BTNL8: variants seen among roughly 807,000 people sequenced by gnomAD.
BTNL8 encodes butyrophilin like 8, also known as butyrophilin-like protein 8.
Under a neutral mutation model 36.1 loss-of-function variants are expected in BTNL8, and 22 were observed. The ratio of observed to expected loss-of-function variants is 0.61; its 90% CI spans 0.44 to 0.87. BTNL8 has a LOEUF of 0.87. Ranked by LOEUF, BTNL8 falls within the 40% of genes least tolerant of loss-of-function variation. The pLI is 0.00. For synonymous variants in BTNL8, 203 were observed against 235.6 expected (o/e 0.86, Z 1.27); for missense variants, 526 against 616.9 (o/e 0.85, Z 1.56).
intron 3 of BTNL8, among the ~76,000 whole-genome samples, chr5:180,924,438 C>G (rs547253894): frequency 1.1e-5 from 1 of 90,064 alleles, no homozygotes. Context: ...TTCCAAACAA[C>G]AGTACCATCT....
intron 3 of BTNL8, among the ~76,000 whole-genome samples, chr5:180,936,958 A>G (rs1758679857): frequency 6.6e-6 from 1 of 152,172 alleles, no homozygotes; most frequent in South Asian, 2.1e-4. Flanking sequence ...GGAACAGTGG[A>G]GGCACCACAC....
intron 3 of BTNL8, among the ~76,000 whole-genome samples, chr5:180,943,317 T>C (rs939689751): frequency 2.0e-5 from 3 of 151,880 alleles, no homozygotes; most frequent in Non-Finnish European, 2.9e-5. Context: ...ATATTTTTAG[T>C]AGAGACGGGG....
At chr5:180,941,221 C>A (rs1382024649) in intron 3 of BTNL8, among the ~76,000 whole-genome samples, 4 of 152,032 alleles carry the variant, frequency 2.6e-5, no homozygotes, top group Non-Finnish European at 5.9e-5. Flanking sequence ...AACTCATAAA[C>A]ACATGGAACA....
At chr5:180,901,094 C>A (rs1235737919) in intron 1 of BTNL8, among the ~76,000 whole-genome samples, 1 of 152,204 alleles carries the variant, frequency 6.6e-6, no homozygotes, top group Non-Finnish European at 1.5e-5. Context: ...ATCTGCTACA[C>A]CAGGTCAGAA....
Position 180,900,214 on chromosome 5 carries a change from C to T in BTNL8, c.49+855C>T, listed in dbSNP as rs141811613. ...AGCTTCTTTGTTTCCCTTCTGTTTCCGGGTGAGGCAGCAGGACATCCTGGA... is the reference window on the plus strand; with the variant it reads ...AGCTTCTTTGTTTCCCTTCTGTTTCTGGGTGAGGCAGCAGGACATCCTGGA... On this transcript the variant is annotated intron_variant, in intron 1 of 7. Coordinates refer to ENST00000340184, the MANE Select transcript of BTNL8 (RefSeq NM_001040462.3). 6.6e-5 allele frequency among the ~76,000 whole-genome samples: 10 copies of T among 152,270 alleles called. No individual in the cohort carries two copies. In the East Asian group the frequency reaches 7.7e-4, roughly 12 times the overall value.
chr5:180,935,392 C>T lies in BTNL8; in HGVS notation c.674-12120C>T, dbSNP rs1347207258. 6.6e-6 allele frequency among the ~76,000 whole-genome samples: 1 copy of T among 152,216 alleles called. No individual in the cohort carries two copies. The highest frequency in any genetic ancestry group is 1.5e-5 in the Non-Finnish European group (1 of 68,036). ...GAGCTGCCCTCAGCCATCGTCCTCC[C>T]TCCTGTGCTCACTGGTGCTCAAAGT... On this transcript the variant is annotated intron_variant, in intron 3 of 7. Coordinates refer to ENST00000340184, the MANE Select transcript of BTNL8 (RefSeq NM_001040462.3). The surrounding 1 kb of genome is among the most constrained non-coding windows in gnomAD (Gnocchi z 4.8).
rs762775062 is a variant in BTNL8 at position 180,950,335 on chromosome 5, C to G, written c.1294C>G (p.Leu432Val). 2 of 1,463,742 alleles carry G rather than the reference C, an allele frequency of 1.4e-6. No individual in the cohort carries two copies. The highest frequency in any genetic ancestry group is 1.9e-6 in the Non-Finnish European group (2 of 1,059,130). The allele number at this position is 1,463,742 out of a possible 1,614,324, so 90.7% of individuals were successfully genotyped here. A position where few individuals can be genotyped will look rare whatever the true frequency, so the allele number is the denominator to read the frequency against. Reference sequence around the variant, plus strand: ...AAATGACCAGTCCCTTATTTATACCCTGACATGTCGGTTTGAAGGCTTATT... The same window carrying G: ...AAATGACCAGTCCCTTATTTATACCGTGACATGTCGGTTTGAAGGCTTATT... Reference protein sequence around the residue: ...NINDQSLIYTLTCRFEGLLRP... With the variant: ...NINDQSLIYTVTCRFEGLLRP... Residue 432 changes from leucine (L) to valine (V), a missense_variant, in exon 8 of 8, where the codon CTG becomes GTG. By Grantham distance (32) the Leu-to-Val change is conservative (BLOSUM62 1). Around this residue, in one of 2 missense-constraint regions of BTNL8, gnomAD observed 176 missense variants for 292.3 expected, o/e 0.60. Coordinates refer to ENST00000340184, the MANE Select transcript of BTNL8 (RefSeq NM_001040462.3).
chr5:180,908,119 G>A (rs1056220439), intron 1 of BTNL8, among the ~76,000 whole-genome samples: 2 of 152,230 alleles, frequency 1.3e-5, no homozygotes, highest in Admixed American at 1.3e-4. Context: ...CCTCGCTGCT[G>A]CCTTGCAGTT....
chr5:180,911,952 A>C (rs566374633), intron 3 of BTNL8, among the ~76,000 whole-genome samples: 14 of 152,338 alleles, frequency 9.2e-5, no homozygotes, highest in African/African-American at 3.1e-4. Flanking sequence ...GTGTTTACAC[A>C]TAAGATTCAC....
rs1757261199 is a variant in BTNL8 at position 180,909,058 on chromosome 5, A to G, written c.397+125A>G. The G allele has an allele frequency of 5.3e-6, 5 of 935,680 alleles. No homozygotes were observed. The East Asian group carries it at 7.2e-5, about 14-fold the overall frequency. 58.0% of individuals were successfully genotyped at this position (935,680 alleles called of 1,614,324 possible). On this transcript the variant is annotated intron_variant, in intron 2 of 7. Coordinates refer to ENST00000340184, the MANE Select transcript of BTNL8 (RefSeq NM_001040462.3). ...GTTAGAAGGCAGCATTCTATACTCT[A>G]CGTTCCTTCTGTCTTGTGTGTATAG... is the stretch of plus-strand genomic sequence containing the variant.
At chr5:180,909,948 A>T (rs900813341) in intron 2 of BTNL8, 1 of 152,102 alleles carries the variant, frequency 6.6e-6, no homozygotes, top group African/African-American at 2.4e-5. Flanking sequence ...AACCACTATG[A>T]GTGATATTTC....
At chr5:180,931,318 T>G (rs1238345866) in intron 3 of BTNL8, among the ~76,000 whole-genome samples, 2 of 152,134 alleles carry the variant, frequency 1.3e-5, no homozygotes, top group African/African-American at 2.4e-5. Context: ...TCAAGATGGA[T>G]TATAGACTTA....
rs764018913 is a variant in BTNL8 at position 180,947,509 on chromosome 5, C to T, written c.674-3C>T. On this transcript the variant is annotated splice_polypyrimidine_tract_variant and splice_region_variant and intron_variant, in intron 3 of 7. Coordinates refer to ENST00000340184, the MANE Select transcript of BTNL8 (RefSeq NM_001040462.3). ...CTAAAATGTCTGTGGGATTGTTTTTCAGATACCTTTTTCGAGCCTATATCG... is the reference window on the plus strand; with the variant it reads ...CTAAAATGTCTGTGGGATTGTTTTTTAGATACCTTTTTCGAGCCTATATCG... 6.2e-7 allele frequency: 1 copy of T among 1,612,644 alleles called. No individual in the cohort carries two copies. Among genetic ancestry groups the T allele is most frequent in the Non-Finnish European group, 8.5e-7 (1 of 1,178,748 alleles).
At chr5:180,899,791 T>C (rs749850691) in intron 1 of BTNL8, among the ~76,000 whole-genome samples, 24 of 152,232 alleles carry the variant, frequency 1.6e-4, no homozygotes, top group Admixed American at 4.6e-4. Context: ...TGGAGGAAGG[T>C]GTACAGGTCT....
Position 180,911,197 on chromosome 5 carries a change from CT to C in BTNL8, c.398-138del, listed in dbSNP as rs1582017745. ...GCAACGAACAGAGGCCATGGGAAGGCTTTTGCCAAAGGTCGTGGTTTTAGTG... is the reference window on the plus strand; with the variant it reads ...GCAACGAACAGAGGCCATGGGAAGGCTTTGCCAAAGGTCGTGGTTTTAGTG... On this transcript the variant is annotated intron_variant, in intron 2 of 7. Coordinates refer to ENST00000340184, the MANE Select transcript of BTNL8 (RefSeq NM_001040462.3). The C allele has an allele frequency of 4.5e-6, 6 of 1,319,920 alleles. No homozygotes were observed. The East Asian group carries it at 1.4e-4, about 31-fold the overall frequency. The allele number at this position is 1,319,920 out of a possible 1,614,324, so 81.8% of individuals were successfully genotyped here.
chr5:180,931,946 T>A (rs1440534858), intron 3 of BTNL8, among the ~76,000 whole-genome samples: 1 of 152,182 alleles, frequency 6.6e-6, no homozygotes, highest in Admixed American at 6.5e-5. Context: ...GACCCAGCAA[T>A]CCCATTACTA....
Position 180,949,719 on chromosome 5 carries a change from T to C in BTNL8, c.863-185T>C, listed in dbSNP as rs143298307. 3.3e-3 allele frequency: 2,446 copies of C among 730,242 alleles called. 291 individuals are homozygous for C. The African/African-American group carries it at 0.035, about 10-fold the overall frequency. 45.2% of individuals were successfully genotyped at this position (730,242 alleles called of 1,614,324 possible). A position where few individuals can be genotyped will look rare whatever the true frequency, so the allele number is the denominator to read the frequency against. ...GTCATATTGAGACATATCTAGACAT[T>C]GATGAGTCCTCCAGGCTGCACTGGT... is the stretch of plus-strand genomic sequence containing the variant. On this transcript the variant is annotated intron_variant, in intron 7 of 7. Coordinates refer to ENST00000340184, the MANE Select transcript of BTNL8 (RefSeq NM_001040462.3).
rs1023765574 is a variant in BTNL8, at chr5:180,899,229, G to C, written c.-82G>C. 3.2e-6 allele frequency: 5 copies of C among 1,546,604 alleles called. No individual in the cohort carries two copies. In the African/African-American group the frequency reaches 5.5e-5, roughly 17 times the overall value. The stretch of plus-strand genomic sequence containing the variant: ...CTTCCGCACCTTGAGCATTAGGCCA[G>C]TTCTCCTCTTCTCTCTAATCCATCC... On this transcript the variant is annotated 5_prime_UTR_variant, in exon 1 of 8. Coordinates refer to ENST00000340184, the MANE Select transcript of BTNL8 (RefSeq NM_001040462.3).
At chr5:180,916,547 A>G (rs1306959989) in intron 3 of BTNL8, among the ~76,000 whole-genome samples, 1 of 152,024 alleles carries the variant, frequency 6.6e-6, no homozygotes, top group African/African-American at 2.4e-5. Context: ...TTATTTGAAA[A>G]GATAAGTAAA....
Sources: gnomAD v4.1 joint callset for allele counts (sites outside exome capture counted in the v4.1 genomes callset) on GRCh38, gnomAD v4.1.1 for gene constraint, gnomAD v4.1.1 regional missense constraint, Gnocchi (gnomAD v3.1) non-coding constraint, MANE v1.5 for transcripts, NCBI Gene and HGNC (gene_info 2026-07-23, HGNC 2026-07-21) for gene names.